GPHN: variants seen among roughly 807,000 people sequenced by gnomAD.
The protein encoded by GPHN is gephyrin.
GPHN carries 17 observed loss-of-function variants against 95.5 expected under a neutral mutation model. The ratio of observed to expected loss-of-function variants is 0.18; its 90% CI spans 0.12 to 0.27. GPHN has a LOEUF of 0.27. Ranked by LOEUF, GPHN falls within the 10% of genes least tolerant of loss-of-function variation. GPHN has a pLI of 1.00. For missense variants in GPHN, 660 were observed against 978.1 expected, an observed-to-expected ratio of 0.67 and a Z score of 4.34; for synonymous variants, 320 against 322.5, an observed-to-expected ratio of 0.99 and a Z score of 0.08.
At chr14:67,112,413 G>T (rs1360296445) in intron 15 of GPHN, among the ~76,000 whole-genome samples, 1 of 152,144 alleles carries the variant, frequency 6.6e-6, no homozygotes, top group Non-Finnish European at 1.5e-5. Flanking sequence ...AATGGAATAT[G>T]TTTACCCTGA....
At chr14:67,238,943 A>T in the GPHN span, among the ~76,000 whole-genome samples, 1 of 152,170 alleles carries the variant, frequency 6.6e-6, no homozygotes, top group African/African-American at 2.4e-5. Flanking sequence ...ATGCCAGGCC[A>T]TAACTAATAT....
chr14:67,374,713 G>A, the GPHN span: 3 of 440,940 alleles, frequency 6.8e-6, no homozygotes, highest in African/African-American at 6.0e-5. Context: ...TTAACTGTGG[G>A]TGACTTCAAC....
At chr14:67,020,774 G>T (rs1168908692) in intron 9 of GPHN, among the ~76,000 whole-genome samples, 1 of 152,098 alleles carries the variant, frequency 6.6e-6, no homozygotes, top group Admixed American at 6.6e-5. Flanking sequence ...GATGTTAACT[G>T]AAGTAAAATA....
At chr14:67,688,025 G>A in the GPHN span, among the ~76,000 whole-genome samples, 20 of 151,728 alleles carry the variant, frequency 1.3e-4, no homozygotes, top group South Asian at 2.5e-3. Context: ...CACCAGCCTC[G>A]GCCTCCCAAA....
intron 4 of GPHN, among the ~76,000 whole-genome samples, chr14:66,871,068 A>G (rs1032459342): frequency 6.6e-6 from 1 of 152,190 alleles, no homozygotes; most frequent in Non-Finnish European, 1.5e-5. Context: ...TCTTTTAGGC[A>G]ATTCTCACGT....
chr14:67,329,202 A>T, the GPHN span, among the ~76,000 whole-genome samples: 2 of 152,142 alleles, frequency 1.3e-5, no homozygotes, highest in African/African-American at 4.8e-5. Flanking sequence ...CATCCCTTGT[A>T]AGTTGGATTC....
chr14:66,997,347 A>G (rs2071883667), intron 9 of GPHN, among the ~76,000 whole-genome samples: 1 of 144,792 alleles, frequency 6.9e-6, no homozygotes, highest in Non-Finnish European at 1.5e-5. Flanking sequence ...AGCCTGGGCG[A>G]TAGAGTGAGA....
At chr14:67,316,334 T>C in the GPHN span, among the ~76,000 whole-genome samples, 5 of 152,060 alleles carry the variant, frequency 3.3e-5, no homozygotes, top group Admixed American at 1.3e-4. Context: ...GGCTAACACA[T>C]ATACATACAC....
the GPHN span, among the ~76,000 whole-genome samples, chr14:67,513,729 G>A: frequency 2.6e-5 from 4 of 152,094 alleles, no homozygotes; most frequent in Admixed American, 2.6e-4. Context: ...ACCAGTCTAG[G>A]GCCCTCCAGT....
intron 1 of GPHN, among the ~76,000 whole-genome samples, chr14:66,622,477 G>A (rs146080319): frequency 0.019 from 2,919 of 152,226 alleles, 43 homozygotes; most frequent in Middle Eastern, 0.034. Context: ...TTCTGCATCC[G>A]GCTTGAATTT....
At chr14:67,641,864 T>G in the GPHN span, among the ~76,000 whole-genome samples, 6 of 152,264 alleles carry the variant, frequency 3.9e-5, no homozygotes, top group Non-Finnish European at 2.9e-5. Flanking sequence ...TTGTTGGTTC[T>G]TAATTTTCTT....
At chr14:66,588,868 AG>A (rs1165174209) in intron 1 of GPHN, among the ~76,000 whole-genome samples, 1 of 152,186 alleles carries the variant, frequency 6.6e-6, no homozygotes, top group Non-Finnish European at 1.5e-5. Context: ...ATTCAAATTC[AG>A]GGAATACAGA....
At chr14:67,269,673 T>G in the GPHN span, 2 of 152,616 alleles carry the variant, frequency 1.3e-5, no homozygotes, top group Non-Finnish European at 2.9e-5. Flanking sequence ...GTACATTTGA[T>G]CAATTGTCTC....
chr14:66,512,558 T>C (rs1394425289), intron 1 of GPHN, among the ~76,000 whole-genome samples: 1 of 151,808 alleles, frequency 6.6e-6, no homozygotes, highest in Non-Finnish European at 1.5e-5. Flanking sequence ...ATATTTTTGC[T>C]GTAGTAATAT....
chr14:66,539,278 C>T (rs544218305), intron 1 of GPHN, among the ~76,000 whole-genome samples: 1 of 152,094 alleles, frequency 6.6e-6, no homozygotes, highest in Admixed American at 6.6e-5. Context: ...GGAGATTTCA[C>T]TCTGCCCTTC....
intron 7 of GPHN, among the ~76,000 whole-genome samples, chr14:66,923,499 ATAT>A (rs2066325390): frequency 1.3e-5 from 2 of 152,308 alleles, no homozygotes; most frequent in Admixed American, 6.5e-5. Flanking sequence ...ACTTTAAGAA[ATAT>A]TATTAGGACA....
At chr14:67,475,338 C>T in the GPHN span, among the ~76,000 whole-genome samples, 13 of 152,200 alleles carry the variant, frequency 8.5e-5, no homozygotes, top group African/African-American at 3.1e-4. Flanking sequence ...CAAAATAAGG[C>T]TGCTATGAAC....
At chr14:66,858,624 C>A (rs1030609171) in intron 4 of GPHN, among the ~76,000 whole-genome samples, 1 of 151,994 alleles carries the variant, frequency 6.6e-6, no homozygotes, top group African/African-American at 2.4e-5. Context: ...GAGACTCTTT[C>A]TGCTTGAGAA....
intron 3 of GPHN, among the ~76,000 whole-genome samples, chr14:66,824,049 C>T (rs1298821982): frequency 6.6e-6 from 1 of 152,082 alleles, no homozygotes; most frequent in Non-Finnish European, 1.5e-5. Context: ...GCACATTGTA[C>T]TTCAGTTGTC....
Sources: gnomAD v4.1 joint callset for allele counts (sites outside exome capture counted in the v4.1 genomes callset) on GRCh38, gnomAD v4.1.1 for gene constraint, MANE v1.5 for transcripts, NCBI Gene and HGNC (gene_info 2026-07-23, HGNC 2026-07-21) for gene names.